The following GGTA1 variants were observed in gnomAD, a reference collection of about 807,000 sequenced individuals.
The protein encoded by GGTA1 is inactive N-acetyllactosaminide alpha-1,3-galactosyltransferase.
A neutral mutation model predicts 2.6 loss-of-function variants in GGTA1; 5 were observed. The observed-to-expected ratio is 1.92, with a 90% CI of 1.00 to 4.04. The LOEUF (loss-of-function observed/expected upper bound fraction) is 4.04. Ranked by LOEUF, GGTA1 falls within the 30% of genes most tolerant of loss-of-function variation. The probability of loss-of-function intolerance (pLI) is 0.00; values close to 1 mark genes in which losing one functional copy is unlikely to be tolerated. For missense variants in GGTA1, 50 were observed against 16.7 expected (o/e 2.99, Z -3.47); for synonymous variants, 17 against 5.0 (o/e 3.38, Z -3.19).
At chr9:121,468,265 C>T (rs4503171) in intron 1 of GGTA1, among the ~76,000 whole-genome samples, 2 of 151,890 alleles carry the variant, frequency 1.3e-5, no homozygotes, top group African/African-American at 2.4e-5. Context: ...TGAGAACATG[C>T]GGTGTTTGGT....
intron 2 of GGTA1, among the ~76,000 whole-genome samples, chr9:121,467,496 C>T (rs185080816): frequency 1.1e-4 from 17 of 152,268 alleles, no homozygotes; most frequent in African/African-American, 4.1e-4. Flanking sequence ...CATGGAATTC[C>T]TGTCTGAAAT....
At chr9:121,488,330 T>G (rs1161590431) in intron 1 of GGTA1, among the ~76,000 whole-genome samples, 1 of 152,148 alleles carries the variant, frequency 6.6e-6, no homozygotes, top group Admixed American at 6.5e-5. Flanking sequence ...AATCAATTCA[T>G]GTTCATTGAG....
At chr9:121,489,378 T>A (rs1004125784) in intron 1 of GGTA1, among the ~76,000 whole-genome samples, 5 of 152,130 alleles carry the variant, frequency 3.3e-5, no homozygotes, top group Admixed American at 6.5e-5. Flanking sequence ...CTTTATTTTC[T>A]TTAGAGGTGA....
chr9:121,471,317 CAGTT>C (rs1233680793), intron 1 of GGTA1, among the ~76,000 whole-genome samples: 1 of 151,998 alleles, frequency 6.6e-6, no homozygotes, highest in Non-Finnish European at 1.5e-5. Flanking sequence ...CCTCCGGTAT[CAGTT>C]AGTCTGTGAG....
At chr9:121,477,693 A>C (rs1361690732) in intron 1 of GGTA1, among the ~76,000 whole-genome samples, 1 of 147,972 alleles carries the variant, frequency 6.8e-6, no homozygotes, top group Non-Finnish European at 1.5e-5. Flanking sequence ...CTCCTGCCTC[A>C]GCCACCCGAG....
At chr9:121,466,533 T>C (rs1403283759) in intron 2 of GGTA1, among the ~76,000 whole-genome samples, 1 of 152,196 alleles carries the variant, frequency 6.6e-6, no homozygotes, top group Admixed American at 6.5e-5. Flanking sequence ...GTTACATCTG[T>C]GCAGCACCAC....
rs2064947537 is a variant in GGTA1, at chr9:121,460,127, C to G, written c.275G>C (p.Gly92Ala). ...KGRKMTQQSF[G>A]YGTGLIQT ...ACTTTGGATTAAACCAGTCCCATAG[C>G]CGAAGCTCTGTTGTGTCATTTTCCT... Residue 92 changes from glycine (G) to alanine (A), a missense_variant, in exon 5 of 6, where the codon GGC becomes GCC. Gly to Ala is a moderately conservative substitution (Grantham distance 60, BLOSUM62 0). Coordinates refer to ENST00000481799, the MANE Select transcript of GGTA1 (RefSeq NM_001382585.1). 1 of 456,790 alleles carries G rather than the reference C, an allele frequency of 2.2e-6. No individual in the cohort carries two copies. Among genetic ancestry groups the G allele is most frequent in the Non-Finnish European group, 4.4e-6 (1 of 226,990 alleles). 28.3% of individuals were successfully genotyped at this position (456,790 alleles called of 1,614,324 possible).
intron 1 of GGTA1, among the ~76,000 whole-genome samples, chr9:121,499,192 C>G (rs918781377): frequency 6.6e-6 from 1 of 152,070 alleles, no homozygotes; most frequent in Non-Finnish European, 1.5e-5. Flanking sequence ...TTTATCCCCC[C>G]ACTCCCAGAT....
intron 1 of GGTA1, chr9:121,494,683 C>A (rs544327503): frequency 6.6e-6 from 1 of 152,412 alleles, no homozygotes; most frequent in African/African-American, 2.4e-5. Flanking sequence ...TGGGGAACCA[C>A]CAGGTTGCCT....
chr9:121,464,613 AAAAACAAAAACAAAAAC>A lies in GGTA1; in HGVS notation c.81-1302_81-1286del, dbSNP rs1003386533. 9.7e-4 allele frequency among the ~76,000 whole-genome samples: 54 copies of A among 55,686 alleles called. No individual in the cohort carries two copies. In the Middle Eastern group the frequency reaches 0.027, roughly 28 times the overall value. 36.5% of individuals were successfully genotyped at this position (55,686 alleles called of 152,430 possible). A position where few individuals can be genotyped will look rare whatever the true frequency, so the allele number is the denominator to read the frequency against. ...AAGTACTGAGACTCCATCTCAAAACAAAAACAAAAACAAAAACAAAACAAAACAAAACAAAAAGAATC... is the reference window on the plus strand; with the variant it reads ...AAGTACTGAGACTCCATCTCAAAACAAAAACAAAACAAAACAAAAAGAATC... On this transcript the variant is annotated intron_variant, in intron 2 of 5. Transcript: ENST00000481799.
chr9:121,456,453 T>C (rs1481432063), intron 5 of GGTA1, among the ~76,000 whole-genome samples: 3 of 152,156 alleles, frequency 2.0e-5, no homozygotes, highest in Admixed American at 6.5e-5. Flanking sequence ...AGTTTGGCTC[T>C]TGTTGCCCAG....
Position 121,464,988 on chromosome 9 carries a change from C to CAAAAAAAAG in GGTA1, c.81-1661_81-1660insCTTTTTTTT, listed in dbSNP as rs1325681219. On this transcript the variant is annotated intron_variant, in intron 2 of 5. Transcript: ENST00000481799. ...ATCATGTGGCCAATTCGTAAAGTGG[C>CAAAAAAAAG]AAAAAAACAAAACAAACAAAAAAAA... Among the ~76,000 whole-genome samples the CAAAAAAAAG allele has an allele frequency of 1.6e-5, 2 of 121,854 alleles. 1 individual carries two copies. Among genetic ancestry groups the CAAAAAAAAG allele is most frequent in the Non-Finnish European group, 3.6e-5 (2 of 56,296 alleles). 79.9% of individuals were successfully genotyped at this position (121,854 alleles called of 152,430 possible). A position where few individuals can be genotyped will look rare whatever the true frequency, so the allele number is the denominator to read the frequency against.
chr9:121,452,798 C>T (rs919690915), downstream of GGTA1, among the ~76,000 whole-genome samples: 12 of 152,218 alleles, frequency 7.9e-5, no homozygotes, highest in South Asian at 8.3e-4. Context: ...GGATTACAGG[C>T]GTGAGCCACT....
chr9:121,491,343 C>A (rs901605311), intron 1 of GGTA1, among the ~76,000 whole-genome samples: 2 of 152,218 alleles, frequency 1.3e-5, no homozygotes, highest in African/African-American at 4.8e-5. Context: ...CAACATCACC[C>A]TTCGCCCTAG....
In GGTA1 at chr9:121,487,533, G is replaced by A. The variant is rs568980462; in HGVS notation, c.-10+12117C>T. ...AGAGGTTGCAGTGACCCGAGATCGC[G>A]CCACTGCACTCCAGCCTGGCGACAG... On this transcript the variant is annotated intron_variant, in intron 1 of 5. Transcript: ENST00000481799. Among the ~76,000 whole-genome samples the A allele has an allele frequency of 7.3e-4, 96 of 132,240 alleles. 1 individual carries two copies. The highest frequency in any genetic ancestry group is 2.6e-3 in the African/African-American group (91 of 34,508). 86.8% of individuals were successfully genotyped at this position (132,240 alleles called of 152,430 possible). A position where few individuals can be genotyped will look rare whatever the true frequency, so the allele number is the denominator to read the frequency against.
chr9:121,454,922 G>C (rs549266657), downstream of GGTA1: 2 of 152,334 alleles, frequency 1.3e-5, no homozygotes, highest in Non-Finnish European at 2.9e-5. Context: ...GCTGAGGCAG[G>C]AGAATTGCTT....
rs2064986344 is a variant in GGTA1 at position 121,464,340 on chromosome 9, T to TTG, written c.81-1013_81-1012insCA. ...CTCCTTGAGGTTTTTTTTTTTTTTTTTTTTGAGATGGAGTCTTGCTCTGTT... is the reference window on the plus strand; with the variant it reads ...CTCCTTGAGGTTTTTTTTTTTTTTTTTGTTTTGAGATGGAGTCTTGCTCTGTT... On this transcript the variant is annotated intron_variant, in intron 2 of 5. Coordinates refer to ENST00000481799, the MANE Select transcript of GGTA1 (RefSeq NM_001382585.1). Among the ~76,000 whole-genome samples the TTG allele has an allele frequency of 4.7e-5, 7 of 149,782 alleles. No homozygotes were observed. The South Asian group carries it at 1.5e-3, about 32-fold the overall frequency.
At chr9:121,449,839 CAAAAAAAAA>C (rs35123086) in intron 7 of GGTA1, among the ~76,000 whole-genome samples, 1 of 94,360 alleles carries the variant, frequency 1.1e-5, no homozygotes, top group Non-Finnish European at 1.9e-5. Context: ...GACTCCATCT[CAAAAAAAAA>C]AAAAAAAAAA....
chr9:121,469,731 T>G (rs186828736), intron 1 of GGTA1, among the ~76,000 whole-genome samples: 1 of 152,338 alleles, frequency 6.6e-6, no homozygotes, highest in East Asian at 1.9e-4. Context: ...TTCTTAGAGA[T>G]AGCCAGGGCT....
Sources: gnomAD v4.1 joint callset for allele counts (sites outside exome capture counted in the v4.1 genomes callset) on GRCh38, gnomAD v4.1.1 for gene constraint, MANE v1.5 for transcripts, NCBI Gene and HGNC (gene_info 2026-07-23, HGNC 2026-07-21) for gene names.